The following RNLS variants were observed in gnomAD, a reference collection of about 807,000 sequenced individuals.
The protein encoded by RNLS is renalase.
A neutral mutation model predicts 39.8 loss-of-function variants in RNLS; 39 were observed. The observed-to-expected ratio is 0.98, with a 90% confidence interval of 0.76 to 1.28. The LOEUF is 1.28. RNLS is among the 50% of genes most tolerant of loss of function. RNLS has a pLI of 0.00. For synonymous variants in RNLS, 147 were observed against 150.7 expected, an observed-to-expected ratio of 0.98 and a Z score of 0.18; for missense variants, 410 against 413.3, an observed-to-expected ratio of 0.99 and a Z score of 0.07.
the RNLS span, among the ~76,000 whole-genome samples, chr10:88,253,166 G>A: frequency 6.6e-6 from 1 of 152,236 alleles, no homozygotes; most frequent in Non-Finnish European, 1.5e-5. Context: ...GGTTGTGGAT[G>A]TGATTTACCC....
At chr10:88,341,838 C>G (rs1016090432) in intron 5 of RNLS, among the ~76,000 whole-genome samples, 1 of 152,068 alleles carries the variant, frequency 6.6e-6, no homozygotes, top group Admixed American at 6.5e-5. Flanking sequence ...CTATTTCATA[C>G]TAATCTGTGA....
At chr10:88,352,831 C>T (rs141418889) in intron 5 of RNLS, among the ~76,000 whole-genome samples, 65 of 152,104 alleles carry the variant, frequency 4.3e-4, no homozygotes, top group African/African-American at 1.5e-3. Flanking sequence ...GTCTGGTCCT[C>T]GACTTTTTTT....
the RNLS span, among the ~76,000 whole-genome samples, chr10:88,218,145 C>T: frequency 2.6e-5 from 4 of 152,224 alleles, no homozygotes; most frequent in Non-Finnish European, 5.9e-5. Context: ...ACTGATGCCA[C>T]CTGGAATGGG....
At chr10:88,561,841 CAAAT>C (rs1307209794) in intron 4 of RNLS, among the ~76,000 whole-genome samples, 1 of 151,966 alleles carries the variant, frequency 6.6e-6, no homozygotes, top group Non-Finnish European at 1.5e-5. Context: ...TCATAAAAAA[CAAAT>C]AATCCACTAG....
chr10:88,482,317 G>A (rs1226583360), intron 4 of RNLS, among the ~76,000 whole-genome samples: 1 of 152,034 alleles, frequency 6.6e-6, no homozygotes, highest in African/African-American at 2.4e-5. Flanking sequence ...TGCTCTGCAA[G>A]GCTCTGCTCA....
the RNLS span, among the ~76,000 whole-genome samples, chr10:88,177,319 AT>A: frequency 6.6e-6 from 1 of 152,310 alleles, no homozygotes; most frequent in South Asian, 2.1e-4. Flanking sequence ...TTTAAAAACC[AT>A]CCTTCAAGTT....
the RNLS span, chr10:88,259,005 G>A: frequency 6.6e-6 from 1 of 152,218 alleles, no homozygotes; most frequent in Non-Finnish European, 1.5e-5. Context: ...CATTCACTTT[G>A]TGTGGAGACT....
chr10:88,437,554 G>A (rs973371319), intron 4 of RNLS, among the ~76,000 whole-genome samples: 2 of 152,176 alleles, frequency 1.3e-5, no homozygotes, highest in Admixed American at 1.3e-4. Context: ...AATGGACTGT[G>A]CTAGACACAG....
chr10:88,250,256 C>A, the RNLS span, among the ~76,000 whole-genome samples: 1 of 152,184 alleles, frequency 6.6e-6, no homozygotes. Flanking sequence ...TAGAACACAG[C>A]AGACAATAAT....
intron 4 of RNLS, among the ~76,000 whole-genome samples, chr10:88,375,043 T>G (rs905318611): frequency 2.0e-5 from 3 of 152,136 alleles, no homozygotes; most frequent in African/African-American, 7.2e-5. Flanking sequence ...TATATATCCT[T>G]TTAAAATTTC....
intron 4 of RNLS, among the ~76,000 whole-genome samples, chr10:88,558,873 C>T (rs1052680087): frequency 6.6e-6 from 1 of 151,992 alleles, no homozygotes; most frequent in Admixed American, 6.6e-5. Context: ...AAATTAAGAT[C>T]CCAGTTTATA....
At chr10:88,492,607 C>T (rs1163035164) in intron 4 of RNLS, among the ~76,000 whole-genome samples, 2 of 151,804 alleles carry the variant, frequency 1.3e-5, no homozygotes, top group African/African-American at 2.4e-5. Context: ...TCTGTAGAGA[C>T]GGAGATTCTC....
chr10:88,323,683 C>T (rs546407287), intron 5 of RNLS, among the ~76,000 whole-genome samples: 13 of 152,176 alleles, frequency 8.5e-5, no homozygotes, highest in African/African-American at 2.6e-4. Context: ...CTACTTTGGA[C>T]GTTGGCATAT....
chr10:88,527,456 CTT>C (rs937106296), intron 4 of RNLS, among the ~76,000 whole-genome samples: 2 of 152,130 alleles, frequency 1.3e-5, no homozygotes, highest in Admixed American at 6.6e-5. Context: ...TGGGGAGGGG[CTT>C]TGTTAGGCCA....
At chr10:88,294,819 G>A (rs1426140813) in intron 6 of RNLS, among the ~76,000 whole-genome samples, 2 of 152,078 alleles carry the variant, frequency 1.3e-5, no homozygotes, top group Non-Finnish European at 2.9e-5. Context: ...TCAAAGTCTT[G>A]AAATTTTTAT....
chr10:88,507,958 T>C (rs931772154), intron 4 of RNLS, among the ~76,000 whole-genome samples: 2 of 152,126 alleles, frequency 1.3e-5, no homozygotes, highest in African/African-American at 4.8e-5. Context: ...AAACAGTCAA[T>C]AGTGAGAGGA....
intron 4 of RNLS, chr10:88,545,447 C>T (rs1209255796): frequency 4.4e-6 from 2 of 456,304 alleles, no homozygotes; most frequent in Non-Finnish European, 8.8e-6. Flanking sequence ...AGAGCAAAGG[C>T]ATGACTTACG....
intron 4 of RNLS, among the ~76,000 whole-genome samples, chr10:88,449,151 T>TAAACA (rs763202457): frequency 3.9e-5 from 6 of 152,030 alleles, no homozygotes; most frequent in South Asian, 2.1e-4. Flanking sequence ...AGTATAATAA[T>TAAACA]AAACAAAACA....
At chr10:88,418,081 CT>C (rs35536346) in intron 4 of RNLS, among the ~76,000 whole-genome samples, 134,097 of 143,960 alleles carry the variant, frequency 0.93, 62,364 homozygotes, top group East Asian at 0.98. Context: ...GAGCTTTTGT[CT>C]TTTTTTTTTT....
Sources: gnomAD v4.1 joint callset for allele counts (sites outside exome capture counted in the v4.1 genomes callset) on GRCh38, gnomAD v4.1.1 for gene constraint, MANE v1.5 for transcripts, NCBI Gene and HGNC (gene_info 2026-07-23, HGNC 2026-07-21) for gene names.